The following CLTCL1 variants were observed in gnomAD, a reference collection of about 807,000 sequenced individuals.
CLTCL1 encodes the protein clathrin heavy chain 2.
CLTCL1 carries 159 observed loss-of-function variants against 190.0 expected under a neutral mutation model. The ratio of observed to expected loss-of-function variants is 0.84; its 90% confidence interval spans 0.74 to 0.95. The LOEUF (loss-of-function observed/expected upper bound fraction) is 0.95. CLTCL1 is among the 40% of genes least tolerant of loss of function. The pLI, the probability that CLTCL1 is intolerant of heterozygous loss-of-function variation, is 0.00. For synonymous variants in CLTCL1, 752 were observed against 769.6 expected (o/e 0.98, Z 0.38); for missense variants, 1,878 against 2,033.4 (o/e 0.92, Z 1.47).
chr22:19,273,597 G>A (rs782355154), intron 2 of CLTCL1, among the ~76,000 whole-genome samples: 1 of 152,048 alleles, frequency 6.6e-6, no homozygotes, highest in Non-Finnish European at 1.5e-5. Context: ...AGGTTACTGC[G>A]CAACTCACAA....
chr22:19,201,617 A>G, intron 22 of CLTCL1, 124 bp from the exon 23 acceptor site: 1 of 1,034,958 alleles, frequency 9.7e-7, no homozygotes, highest in Non-Finnish European at 1.4e-6. Flanking sequence ...CATCTTTCTG[A>G]TCGCACCAGT....
intron 29 of CLTCL1, 108 bp from the exon 30 acceptor site, chr22:19,183,719 C>T: frequency 9.2e-7 from 1 of 1,084,314 alleles, no homozygotes; most frequent in Non-Finnish European, 1.3e-6. Flanking sequence ...CCAAGGACTT[C>T]CTGCGCTGTG....
At chr22:19,205,501 C>A (rs2085022434) in intron 22 of CLTCL1, among the ~76,000 whole-genome samples, 2 of 152,050 alleles carry the variant, frequency 1.3e-5, no homozygotes, top group South Asian at 2.1e-4. Context: ...CAGAGGAGAC[C>A]CTGTTTCAAA....
rs782689324 is a variant in CLTCL1, at chr22:19,242,930, G to A, written c.526C>T (p.Arg176Cys). 33 of 1,612,664 alleles carry A rather than the reference G, an allele frequency of 2.0e-5. No individual in the cohort carries two copies. Among genetic ancestry groups the A allele is most frequent in the Non-Finnish European group, 2.6e-5 (31 of 1,179,130 alleles). ...LLVGISAQQN[R>C]VVGAMQLYSV... ...TAGAGCTGCATTGCTCCAACCACAC[G>A]GTTTTGCTAAGAAAAGATATTATGC... is the stretch of plus-strand genomic sequence containing the variant. Residue 176 changes from arginine to cysteine, a missense_variant, in exon 4 of 33, where the codon CGT becomes TGT. Transcript: ENST00000427926.
In CLTCL1 at chr22:19,218,134, G is replaced by C. The variant is rs571404245; in HGVS notation, c.2919+1751C>G. Among the ~76,000 whole-genome samples the C allele has an allele frequency of 1.5e-4, 23 of 152,236 alleles. No individual in the cohort carries two copies. In the South Asian group the frequency reaches 4.4e-3, roughly 29 times the overall value. Reference sequence around the variant, plus strand: ...TGGCTACAGATATCCAATTACAGCAGAGATAATGAAAGACCAGCAGCTCTA... The same window carrying C: ...TGGCTACAGATATCCAATTACAGCACAGATAATGAAAGACCAGCAGCTCTA... On this transcript the variant is annotated intron_variant, in intron 18 of 32. Coordinates refer to ENST00000427926, the MANE Select transcript of CLTCL1 (RefSeq NM_007098.4).
intron 5 of CLTCL1, chr22:19,238,370 G>C (rs1004653088): frequency 2.6e-5 from 4 of 152,272 alleles, no homozygotes; most frequent in Non-Finnish European, 4.4e-5. Context: ...GATGACAGGT[G>C]TGAGCCAACG....
Position 19,183,446 on chromosome 22 carries a change from G to A in CLTCL1, c.4771C>T (p.Leu1591Phe). The part of the protein sequence containing the change: ...MVLELAWRHN[L>F]VDLAMPYFIQ... ...AAGTAGGGCATGGCCAAGTCCACGA[G>A]GTTGTGCCTCCAGGCCAGCTCAAGC... The change falls in exon 30 of 33, where the codon CTC becomes TTC. Residue 1591 changes from leucine (L) to phenylalanine (F), a missense_variant. Physicochemically the swap from Leu to Phe is conservative, Grantham distance 22 (BLOSUM62 0). Coordinates refer to ENST00000427926, the MANE Select transcript of CLTCL1 (RefSeq NM_007098.4). 6.2e-7 allele frequency: 1 copy of A among 1,613,726 alleles called. No individual in the cohort carries two copies. Among genetic ancestry groups the A allele is most frequent in the Non-Finnish European group, 8.5e-7 (1 of 1,179,900 alleles).
chr22:19,279,328 G>C (rs1410296034), intron 1 of CLTCL1, among the ~76,000 whole-genome samples: 1 of 151,556 alleles, frequency 6.6e-6, no homozygotes, highest in Non-Finnish European at 1.5e-5. Context: ...GTAGAGATGG[G>C]GTTTCACCAT....
At chr22:19,285,121 A>G (rs1555989331) in intron 1 of CLTCL1, among the ~76,000 whole-genome samples, 1 of 151,986 alleles carries the variant, frequency 6.6e-6, no homozygotes, top group African/African-American at 2.4e-5. Flanking sequence ...TAAAAATATA[A>G]AAAATTAGCT....
At chr22:19,235,978 G>C in intron 5 of CLTCL1, 109 bp from the exon 6 acceptor site, 1 of 1,046,176 alleles carries the variant, frequency 9.6e-7, no homozygotes, top group Non-Finnish European at 1.4e-6. Context: ...TTTGTTTTTT[G>C]AGATAGGGTC....
In CLTCL1 at chr22:19,214,741, T is replaced by A. The variant is rs12628260; in HGVS notation, c.3065+1370A>T. On this transcript the variant is annotated intron_variant, in intron 19 of 32. Transcript: ENST00000427926. ...TGTCACCCAGGCTAGAGTATAGTGG[T>A]GCCATCTCGGCTCACTGCAACCTCC... Among the ~76,000 whole-genome samples the A allele has an allele frequency of 2.2e-3, 331 of 150,820 alleles. 11 individuals carry two copies. The East Asian group carries it at 0.057, about 26-fold the overall frequency.
At chr22:19,274,314 G>A (rs1201943525) in intron 2 of CLTCL1, among the ~76,000 whole-genome samples, 2 of 152,034 alleles carry the variant, frequency 1.3e-5, no homozygotes, top group Non-Finnish European at 2.9e-5. Context: ...ATTTTTTTAA[G>A]TACTACAACA....
chr22:19,225,460 A>C lies in CLTCL1; in HGVS notation c.2121T>G (p.Ser707Arg), dbSNP rs1555955246. The C allele has an allele frequency of 1.9e-6, 3 of 1,579,440 alleles. No individual in the cohort carries two copies. In the South Asian group the frequency reaches 3.5e-5, roughly 18 times the overall value. The change falls in exon 13 of 33, where the codon AGT becomes AGG. Residue 707 changes from serine (S) to arginine (R), a missense_variant. Ser to Arg is a moderately radical substitution (Grantham distance 110). Coordinates refer to ENST00000427926, the MANE Select transcript of CLTCL1 (RefSeq NM_007098.4). ...AGAGGCTGCATGGTTTACCTTTGTA[A>C]CTCTTGAAGGATTCAAAGAGCTCCA... is the stretch of plus-strand genomic sequence containing the variant. ...ALVELFESFK[S>R]YKGLFYFLGS...
chr22:19,219,484 CTATT>C (rs1280754252), intron 18 of CLTCL1, among the ~76,000 whole-genome samples: 4 of 145,070 alleles, frequency 2.8e-5, no homozygotes, highest in Middle Eastern at 4.2e-3. Context: ...CATGCCTGGC[CTATT>C]TATTTATTTT....
intron 22 of CLTCL1, among the ~76,000 whole-genome samples, chr22:19,204,316 C>T (rs1188603679): frequency 2.0e-5 from 3 of 152,192 alleles, no homozygotes; most frequent in African/African-American, 7.2e-5. Context: ...CCAGGGGCTC[C>T]TGCACCCCAC....
At chr22:19,226,939 T>C (rs1043535587) in intron 11 of CLTCL1, among the ~76,000 whole-genome samples, 2 of 152,024 alleles carry the variant, frequency 1.3e-5, no homozygotes, top group South Asian at 2.1e-4. Context: ...AGTTTCGTCA[T>C]GTTGGCCAGG....
chr22:19,290,367 A>G (rs947106023), intron 1 of CLTCL1, among the ~76,000 whole-genome samples: 69 of 152,168 alleles, frequency 4.5e-4, no homozygotes, highest in African/African-American at 1.6e-3. Context: ...ATTAAACCAG[A>G]TTTATAAAAT....
rs997358833 is a variant in CLTCL1 at position 19,198,929 on chromosome 22, T to C, written c.3873+805A>G. On this transcript the variant is annotated intron_variant, in intron 24 of 32. Coordinates refer to ENST00000427926, the MANE Select transcript of CLTCL1 (RefSeq NM_007098.4). This position sits in a 1 kb window ranked among gnomAD's most constrained non-coding sequence, Gnocchi z 4.1. ...TCAGCCCTGTACTGCTTGATCACCC[T>C]CCCTGTTGGCTTTCCAGTTCATTTC... 6.6e-6 allele frequency among the ~76,000 whole-genome samples: 1 copy of C among 152,078 alleles called. No individual in the cohort carries two copies. Among genetic ancestry groups the C allele is most frequent in the African/African-American group, 2.4e-5 (1 of 41,400 alleles).
intron 1 of CLTCL1, among the ~76,000 whole-genome samples, chr22:19,284,210 C>T (rs1824528114): frequency 6.6e-6 from 1 of 152,186 alleles, no homozygotes; most frequent in African/African-American, 2.4e-5. Flanking sequence ...TGTTTTCACA[C>T]CTATGTGGAC....
Sources: allele counts gnomAD v4.1 joint callset (sites outside exome capture counted in the v4.1 genomes callset), GRCh38; gene constraint gnomAD v4.1.1; non-coding constraint Gnocchi (gnomAD v3.1); transcripts MANE v1.5; gene names NCBI Gene and HGNC (gene_info 2026-07-23, HGNC 2026-07-21).